RANBP2: variants seen among roughly 807,000 people sequenced by gnomAD.
RANBP2 encodes E3 SUMO-protein ligase RanBP2.
Under a neutral mutation model 303.6 loss-of-function variants are expected in RANBP2, and 57 were observed. The observed-to-expected ratio is 0.19, with a 90% CI of 0.15 to 0.23. RANBP2 has a LOEUF of 0.23. RANBP2 is among the 10% of genes least tolerant of loss of function. RANBP2 has a pLI of 1.00. For synonymous variants in RANBP2, 1,167 were observed against 1,301.5 expected (o/e 0.90, Z 2.23); for missense variants, 3,138 against 3,780.8 (o/e 0.83, Z 4.46).
At position 108,719,666 on chromosome 2, in the gene RANBP2, G is replaced by T; in HGVS notation, c.60G>T (p.Pro20=). ...TCGCCTCGGTGCAGGGCTCCACCCC[G>T]TCGCCTCGACAGGTGAGTGGGTCTC... ...RYIASVQGST[P]SPRQKSMKGF... The change falls in exon 1 of 29, where the codon CCG becomes CCT. Residue 20 remains proline, a synonymous_variant. Transcript: ENST00000283195. 6.2e-7 allele frequency: 1 copy of T among 1,605,738 alleles called. No individual in the cohort carries two copies.
chr2:108,819,766 A>G, the RANBP2 span, among the ~76,000 whole-genome samples: 1 of 152,238 alleles, frequency 6.6e-6, no homozygotes, highest in Non-Finnish European at 1.5e-5. Flanking sequence ...CCAAATACCC[A>G]TTAAAAAAGG....
the RANBP2 span, among the ~76,000 whole-genome samples, chr2:109,169,376 C>T: frequency 6.6e-6 from 1 of 152,094 alleles, no homozygotes; most frequent in Admixed American, 6.6e-5. Flanking sequence ...TCCCTTGCTC[C>T]ATACTATGAT....
the RANBP2 span, among the ~76,000 whole-genome samples, chr2:109,519,929 G>C: frequency 1.3e-5 from 2 of 152,238 alleles, no homozygotes; most frequent in African/African-American, 2.4e-5. Flanking sequence ...AGGGTGGACT[G>C]AAGCATCTGC....
chr2:109,684,100 C>G, the RANBP2 span, among the ~76,000 whole-genome samples: 1 of 151,968 alleles, frequency 6.6e-6, no homozygotes, highest in East Asian at 1.9e-4. Flanking sequence ...CACCATCATG[C>G]CTGGCTAATT....
At chr2:109,676,279 C>T in the RANBP2 span, among the ~76,000 whole-genome samples, 2 of 152,234 alleles carry the variant, frequency 1.3e-5, no homozygotes, top group Admixed American at 6.5e-5. Flanking sequence ...TTAGCACCTC[C>T]ATCACCCTTT....
chr2:108,896,903 C>CT, the RANBP2 span: 1 of 1,610,046 alleles, frequency 6.2e-7, no homozygotes, highest in Non-Finnish European at 8.5e-7. Context: ...CACAGGCATG[C>CT]TTTTCAGGAT....
At chr2:109,270,608 G>T in the RANBP2 span, among the ~76,000 whole-genome samples, 11 of 152,154 alleles carry the variant, frequency 7.2e-5, no homozygotes, top group African/African-American at 2.7e-4. Flanking sequence ...AGGAGGCCAC[G>T]GGTGCAGGGC....
the RANBP2 span, among the ~76,000 whole-genome samples, chr2:109,148,512 G>C: frequency 6.6e-6 from 1 of 152,342 alleles, no homozygotes; most frequent in Non-Finnish European, 1.5e-5. Flanking sequence ...AATGAAAGAA[G>C]GGTTGAGTAA....
At chr2:109,068,356 A>G in the RANBP2 span, among the ~76,000 whole-genome samples, 1 of 152,070 alleles carries the variant, frequency 6.6e-6, no homozygotes, top group East Asian at 1.9e-4. Context: ...CACCCGAAGA[A>G]CCCCCACCCC....
At chr2:109,315,655 T>C in the RANBP2 span, among the ~76,000 whole-genome samples, 4 of 152,244 alleles carry the variant, frequency 2.6e-5, no homozygotes, top group African/African-American at 9.6e-5. Flanking sequence ...GTGCAGGCTT[T>C]CCTGGCAGTC....
At chr2:109,027,261 A>AAAAC in the RANBP2 span, among the ~76,000 whole-genome samples, 1 of 151,216 alleles carries the variant, frequency 6.6e-6, no homozygotes, top group Admixed American at 6.6e-5. Flanking sequence ...AAAAAAAAAA[A>AAAAC]AAACAAGGAC....
chr2:109,546,403 T>C, the RANBP2 span, among the ~76,000 whole-genome samples: 11 of 152,202 alleles, frequency 7.2e-5, no homozygotes, highest in East Asian at 1.7e-3. Flanking sequence ...AAAGTTTACA[T>C]ATGGAATTCC....
At chr2:108,857,065 GCTT>G in the RANBP2 span, 20 of 55,342 alleles carry the variant, frequency 3.6e-4, no homozygotes, top group Middle Eastern at 0.016. Context: ...AGATACTATT[GCTT>G]TTTTTTTTTT....
chr2:109,239,097 A>G, the RANBP2 span, among the ~76,000 whole-genome samples: 9 of 152,220 alleles, frequency 5.9e-5, no homozygotes, highest in Non-Finnish European at 1.0e-4. Context: ...ACAGGAGAAG[A>G]CGTCCAAGAC....
the RANBP2 span, among the ~76,000 whole-genome samples, chr2:109,277,923 C>T: frequency 2.0e-5 from 3 of 150,926 alleles, no homozygotes; most frequent in South Asian, 4.2e-4. Flanking sequence ...GCCTATAATC[C>T]CAACATTTTG....
chr2:108,865,803 A>T, the RANBP2 span, among the ~76,000 whole-genome samples: 1 of 152,092 alleles, frequency 6.6e-6, no homozygotes, highest in African/African-American at 2.4e-5. Flanking sequence ...TTACTCCGTG[A>T]TGAGCCAGAG....
chr2:108,738,876 C>A (rs533822750), intron 6 of RANBP2, among the ~76,000 whole-genome samples: 2 of 150,548 alleles, frequency 1.3e-5, no homozygotes, highest in African/African-American at 4.9e-5. Flanking sequence ...GTGATCCACC[C>A]GCCTTGGCCT....
chr2:109,539,738 C>T, the RANBP2 span, among the ~76,000 whole-genome samples: 14 of 152,284 alleles, frequency 9.2e-5, no homozygotes, highest in Admixed American at 7.2e-4. Flanking sequence ...CCACCGTGCC[C>T]GGCCGCAACC....
At chr2:109,493,294 C>G in the RANBP2 span, among the ~76,000 whole-genome samples, 1 of 123,182 alleles carries the variant, frequency 8.1e-6, no homozygotes, top group Non-Finnish European at 1.8e-5. Context: ...GAAACACACA[C>G]CATGCACACC....
Sources: gnomAD v4.1 joint callset for allele counts (sites outside exome capture counted in the v4.1 genomes callset) on GRCh38, gnomAD v4.1.1 for gene constraint, MANE v1.5 for transcripts, NCBI Gene and HGNC (gene_info 2026-07-23, HGNC 2026-07-21) for gene names.